PDE4D: variants seen among roughly 807,000 people sequenced by gnomAD.
PDE4D encodes 3',5'-cyclic-AMP phosphodiesterase 4D.
PDE4D carries 24 observed loss-of-function variants against 87.4 expected under a neutral mutation model. The ratio of observed to expected loss-of-function variants is 0.27; its 90% CI spans 0.20 to 0.39. The LOEUF is 0.39. Ranked by LOEUF, PDE4D falls within the 10% of genes least tolerant of loss-of-function variation. The probability of loss-of-function intolerance (pLI) is 1.00; values close to 1 mark genes in which losing one functional copy is unlikely to be tolerated. For synonymous variants in PDE4D, 384 were observed against 383.2 expected (o/e 1.00, Z -0.02); for missense variants, 714 against 1,041.0 (o/e 0.69, Z 4.32).
intron 1 of PDE4D, among the ~76,000 whole-genome samples, chr5:59,496,713 G>A (rs1294921306): frequency 1.3e-5 from 2 of 152,074 alleles, no homozygotes; most frequent in Admixed American, 6.5e-5. Flanking sequence ...TGAAGGGGGC[G>A]CCACCAAAGC....
At chr5:59,071,410 T>C (rs995831753) in intron 5 of PDE4D, among the ~76,000 whole-genome samples, 1 of 152,022 alleles carries the variant, frequency 6.6e-6, no homozygotes, top group Non-Finnish European at 1.5e-5. Context: ...TTCTTCTGTA[T>C]TTTCTACCTT....
Position 59,313,277 on chromosome 5 carries a change from G to T in PDE4D, c.456-97309C>A, listed in dbSNP as rs557969615. Among the ~76,000 whole-genome samples the T allele has an allele frequency of 1.5e-4, 23 of 152,240 alleles. No individual in the cohort carries two copies. The South Asian group carries it at 3.5e-3, about 23-fold the overall frequency. On this transcript the variant is annotated intron_variant, in intron 1 of 14. Coordinates refer to ENST00000340635, the MANE Select transcript of PDE4D (RefSeq NM_001104631.2). ...GCAAGTAGCAACCCCTTCCTCTAAAGATTCACATCCCCTTTATTTATATTG... is the reference window on the plus strand; with the variant it reads ...GCAAGTAGCAACCCCTTCCTCTAAATATTCACATCCCCTTTATTTATATTG...
chr5:60,119,408 A>G (rs1778463447), intron 2 of PDE4D, among the ~76,000 whole-genome samples: 2 of 152,234 alleles, frequency 1.3e-5, no homozygotes, highest in African/African-American at 4.8e-5. Context: ...AAGGCTGGAT[A>G]TCTTTCCTCC....
chr5:59,188,551 TA>T (rs971101748), intron 3 of PDE4D, among the ~76,000 whole-genome samples: 8 of 150,606 alleles, frequency 5.3e-5, no homozygotes, highest in Admixed American at 1.3e-4. Context: ...CATCATAGCC[TA>T]AAAAAAAAGA....
chr5:60,417,508 A>C (rs1257644292), intron 1 of PDE4D, among the ~76,000 whole-genome samples: 1 of 152,232 alleles, frequency 6.6e-6, no homozygotes, highest in African/African-American at 2.4e-5. Flanking sequence ...AGGAAAAATC[A>C]ACTACATTCG....
At chr5:59,968,581 TA>T (rs796717906) in intron 3 of PDE4D, among the ~76,000 whole-genome samples, 2 of 151,968 alleles carry the variant, frequency 1.3e-5, no homozygotes, top group Non-Finnish European at 2.9e-5. Context: ...AAAGTTGAAA[TA>T]AAAAAATATA....
intron 6 of PDE4D, among the ~76,000 whole-genome samples, chr5:58,996,618 T>C (rs1388305588): frequency 1.3e-5 from 2 of 152,198 alleles, no homozygotes; most frequent in African/African-American, 4.8e-5. Flanking sequence ...TTGATAAAGA[T>C]AGATAGAGAC....
chr5:59,330,264 A>G (rs1173084220), intron 1 of PDE4D, among the ~76,000 whole-genome samples: 4 of 152,234 alleles, frequency 2.6e-5, no homozygotes, highest in Non-Finnish European at 5.9e-5. Flanking sequence ...TCCAAAGAGT[A>G]GCATTTAAGC....
intron 2 of PDE4D, among the ~76,000 whole-genome samples, chr5:60,151,975 A>C (rs1781549305): frequency 6.6e-6 from 1 of 152,156 alleles, no homozygotes; most frequent in Non-Finnish European, 1.5e-5. Flanking sequence ...TTTTTTCAAA[A>C]ACTTTTATTA....
Position 59,784,288 on chromosome 5 carries a change from G to A in PDE4D, c.455+108880C>T, listed in dbSNP as rs143033750. Among the ~76,000 whole-genome samples the A allele has an allele frequency of 4.5e-3, 671 of 150,256 alleles. 2 individuals are homozygous for A. Among genetic ancestry groups the A allele is most frequent in the Middle Eastern group, 0.01 (3 of 292 alleles). On this transcript the variant is annotated intron_variant, in intron 1 of 14. Coordinates refer to ENST00000340635, the MANE Select transcript of PDE4D (RefSeq NM_001104631.2). ...AGGGGATTGTGCTTTTCAAATTTAT[G>A]GATGTAAATAAAAGACCTCAGGAAT...
At chr5:59,554,537 G>A (rs1176844891) in intron 1 of PDE4D, among the ~76,000 whole-genome samples, 6 of 152,122 alleles carry the variant, frequency 3.9e-5, no homozygotes, top group Non-Finnish European at 8.8e-5. Context: ...AATTTGGCGA[G>A]CAATATCTAA....
At chr5:59,081,374 T>C (rs896226037) in intron 5 of PDE4D, among the ~76,000 whole-genome samples, 2 of 152,100 alleles carry the variant, frequency 1.3e-5, no homozygotes, top group South Asian at 2.1e-4. Context: ...TGTTCAGTTA[T>C]GCTTTCTATA....
At chr5:59,252,836 C>T (rs982453747) in intron 1 of PDE4D, among the ~76,000 whole-genome samples, 6 of 152,050 alleles carry the variant, frequency 3.9e-5, no homozygotes, top group Non-Finnish European at 8.8e-5. Context: ...CAGCCATCAT[C>T]TAGATTTTAA....
rs1214913179 is a variant in PDE4D at position 60,423,324 on chromosome 5, C to A, written c.-90+64618G>T. On this transcript the variant is annotated intron_variant, in intron 1 of 16. Coordinates refer to the PDE4D transcript ENST00000502484. ...GCACTACTCAGCAAATGTAAAAGAA[C>A]AGAAATTACAAAAAACTGTCTCTCA... Among the ~76,000 whole-genome samples, 23 of 152,112 alleles carry A rather than the reference C, an allele frequency of 1.5e-4. No homozygotes were observed. In the East Asian group the frequency reaches 4.4e-3, roughly 29 times the overall value.
At chr5:59,253,368 C>T (rs1265694869) in intron 1 of PDE4D, among the ~76,000 whole-genome samples, 1 of 152,020 alleles carries the variant, frequency 6.6e-6, no homozygotes, top group Non-Finnish European at 1.5e-5. Context: ...TAGTTAAAAT[C>T]ATCTTCATAA....
chr5:59,292,421 C>T (rs1473298579), intron 1 of PDE4D, among the ~76,000 whole-genome samples: 1 of 152,070 alleles, frequency 6.6e-6, no homozygotes, highest in African/African-American at 2.4e-5. Flanking sequence ...AACATATTAA[C>T]ATGGACCCAC....
chr5:60,006,338 T>C (rs1021509247), intron 2 of PDE4D, among the ~76,000 whole-genome samples: 1 of 151,958 alleles, frequency 6.6e-6, no homozygotes, highest in Non-Finnish European at 1.5e-5. Flanking sequence ...TTGCATATAT[T>C]TGAAATTCTC....
chr5:59,169,466 G>A (rs902309346), intron 5 of PDE4D, among the ~76,000 whole-genome samples: 3 of 152,094 alleles, frequency 2.0e-5, no homozygotes, highest in Admixed American at 1.3e-4. Flanking sequence ...TCTCAGAGAC[G>A]AGCAAGCTGC....
chr5:60,261,754 TA>T (rs1021553378), intron 1 of PDE4D, among the ~76,000 whole-genome samples: 1 of 152,110 alleles, frequency 6.6e-6, no homozygotes, highest in Non-Finnish European at 1.5e-5. Context: ...TAGTCAAAAA[TA>T]AAAGTCTCTT....
Sources: allele counts gnomAD v4.1 joint callset (sites outside exome capture counted in the v4.1 genomes callset), GRCh38; gene constraint gnomAD v4.1.1; transcripts MANE v1.5; gene names NCBI Gene and HGNC (gene_info 2026-07-23, HGNC 2026-07-21).